ATPAF2: variants seen among roughly 807,000 people sequenced by gnomAD.
ATPAF2 encodes ATP12 homolog.
ATPAF2 carries 30 observed loss-of-function variants against 36.6 expected under a neutral mutation model. The observed-to-expected ratio is 0.82, with a 90% CI of 0.61 to 1.11. The LOEUF is 1.11. Ranked by LOEUF, ATPAF2 falls within the 50% of genes most tolerant of loss-of-function variation. The pLI, the probability that ATPAF2 is intolerant of heterozygous loss-of-function variation, is 0.00. For synonymous variants in ATPAF2, 140 were observed against 152.6 expected, an observed-to-expected ratio of 0.92 and a Z score of 0.61; for missense variants, 321 against 372.3, an observed-to-expected ratio of 0.86 and a Z score of 1.13.
intron 3 of ATPAF2, among the ~76,000 whole-genome samples, chr17:18,027,752 C>A (rs1389182094): frequency 6.6e-6 from 1 of 152,192 alleles, no homozygotes; most frequent in Non-Finnish European, 1.5e-5. Flanking sequence ...TCCAGTGGAT[C>A]TTATATTCAA....
At chr17:18,016,341 GACA>G, downstream of ATPAF2, 1 of 979,244 alleles carries the variant, frequency 1.0e-6, no homozygotes. Flanking sequence ...CCACACTGAA[GACA>G]ACATTGCCCA....
At chr17:18,024,786 A>G in intron 4 of ATPAF2, 82 bp from the exon 5 acceptor site, 1 of 1,269,246 alleles carries the variant, frequency 7.9e-7, no homozygotes. Flanking sequence ...AACACAAAGG[A>G]CAACAGCAAA....
chr17:18,030,814 C>T (rs575459634), intron 1 of ATPAF2, among the ~76,000 whole-genome samples: 20 of 145,010 alleles, frequency 1.4e-4, no homozygotes, highest in African/African-American at 4.8e-4. Flanking sequence ...ACTACAGGCG[C>T]CGCCACCACG....
rs539827056 is a variant in ATPAF2 at position 18,028,351 on chromosome 17, T to C, written c.205A>G (p.Arg69Gly). Reference sequence around the variant, plus strand: ...TTGGCTTGGGGAGTTTTCAGCTTCCTGTGGTCCAGGTTTATCTCAAAGCCA... The same window carrying C: ...TTGGCTTGGGGAGTTTTCAGCTTCCCGTGGTCCAGGTTTATCTCAAAGCCA... ...EGGFEINLDH[R>G]KLKTPQAKLF... is the part of the protein sequence containing the mutation. The change falls in exon 3 of 8, where the codon AGG becomes GGG. Residue 69 changes from arginine (R) to glycine (G), a missense_variant. Around this residue, in one of 3 missense-constraint regions of ATPAF2, gnomAD observed 53 missense variants for 91.6 expected, o/e 0.58. Transcript: ENST00000474627. 6.2e-7 allele frequency: 1 copy of C among 1,614,148 alleles called. No individual in the cohort carries two copies. Among genetic ancestry groups the C allele is most frequent in the Non-Finnish European group, 8.5e-7 (1 of 1,180,024 alleles).
chr17:18,028,163 G>A (rs2044574815), intron 3 of ATPAF2, 69 bp downstream of exon 3: 7 of 1,600,856 alleles, frequency 4.4e-6, no homozygotes, highest in Non-Finnish European at 6.0e-6. Context: ...GTCGGAATTT[G>A]GTAAAGGGTC....
intron 1 of ATPAF2, among the ~76,000 whole-genome samples, chr17:18,038,339 G>A (rs537505746): frequency 3.9e-5 from 6 of 152,344 alleles, no homozygotes; most frequent in African/African-American, 1.4e-4. Flanking sequence ...GTCAGAGGTG[G>A]AGGTGTCAAT....
chr17:18,022,851 C>A (rs1230221703), intron 5 of ATPAF2, among the ~76,000 whole-genome samples: 2 of 151,970 alleles, frequency 1.3e-5, no homozygotes, highest in African/African-American at 2.4e-5. Context: ...TGGGGCCGGG[C>A]GCGGTGGCTC....
intron 1 of ATPAF2, among the ~76,000 whole-genome samples, chr17:18,029,881 A>AAAG (rs2044602517): frequency 7.2e-6 from 1 of 138,872 alleles, no homozygotes; most frequent in Admixed American, 7.1e-5. Flanking sequence ...TTTAACGCTA[A>AAAG]AAAAAAAAAA....
intron 1 of ATPAF2, among the ~76,000 whole-genome samples, chr17:18,029,913 G>A (rs1480805781): frequency 2.1e-5 from 3 of 142,866 alleles, no homozygotes; most frequent in South Asian, 2.2e-4. Flanking sequence ...AAGGCTGGTC[G>A]CAGTGGCTCA....
intron 1 of ATPAF2, among the ~76,000 whole-genome samples, chr17:18,034,121 AAAC>A (rs1364171718): frequency 6.6e-6 from 1 of 152,076 alleles, no homozygotes; most frequent in East Asian, 1.9e-4. Flanking sequence ...CCTGTCTCAA[AAAC>A]AACAACAAAT....
At chr17:18,016,894 C>A (rs1176811391), downstream of ATPAF2, 3 of 403,432 alleles carry the variant, frequency 7.4e-6, no homozygotes, top group Non-Finnish European at 9.0e-6. Flanking sequence ...AAAAAATCAG[C>A]TGGGTGCGGT....
At chr17:18,026,050 G>A (rs984343862) in intron 4 of ATPAF2, 11 of 548,750 alleles carry the variant, frequency 2.0e-5, no homozygotes, top group Non-Finnish European at 3.0e-5. Context: ...CTGTGGTCAC[G>A]GCACCTGCAA....
At chr17:18,022,914 A>C (rs936934809) in intron 5 of ATPAF2, among the ~76,000 whole-genome samples, 1 of 151,870 alleles carries the variant, frequency 6.6e-6, no homozygotes, top group East Asian at 1.9e-4. Flanking sequence ...TCACGAGGTC[A>C]GGAGATTGAG....
chr17:18,016,577 T>C (rs1597660603), downstream of ATPAF2: 1 of 1,613,562 alleles, frequency 6.2e-7, no homozygotes, highest in African/African-American at 1.3e-5. Context: ...GATGAGATCA[T>C]GAGGAACCGC....
chr17:18,038,837 A>AC (rs1344665097), intron 1 of ATPAF2, 44 bp downstream of exon 1: 1 of 1,609,036 alleles, frequency 6.2e-7, no homozygotes, highest in East Asian at 2.2e-5. Flanking sequence ...AGCCCACCTT[A>AC]CCCCAGCTCG....
rs147941728 is a variant in ATPAF2, at chr17:18,038,880, C to A, written c.133+1G>T. ...CCCAAAAGAACATGTCATGGTCTTA[C>A]CTGTCGGCGGGGCGTAAGCCCGGGC... On this transcript the variant is annotated splice_donor_variant, in intron 1 of 7. Coordinates refer to ENST00000474627, the MANE Select transcript of ATPAF2 (RefSeq NM_145691.4). LOFTEE classifies it high-confidence loss of function. 27 of 1,614,028 alleles carry A rather than the reference C, an allele frequency of 1.7e-5. No homozygotes were observed. The African/African-American group carries it at 3.2e-4, about 19-fold the overall frequency.
At chr17:18,038,693 C>G (rs1480322669) in intron 1 of ATPAF2, among the ~76,000 whole-genome samples, 188 bp downstream of exon 1, 1 of 152,244 alleles carries the variant, frequency 6.6e-6, no homozygotes, top group East Asian at 1.9e-4. Flanking sequence ...GTGCGTGACT[C>G]GCTGTTCCCT....
intron 3 of ATPAF2, among the ~76,000 whole-genome samples, chr17:18,027,479 T>C (rs1213924074): frequency 1.3e-5 from 2 of 152,188 alleles, no homozygotes; most frequent in East Asian, 3.9e-4. Context: ...TGCCAAGGGC[T>C]TTCTTGCATC....
chr17:18,036,364 A>G (rs536915831), intron 1 of ATPAF2, among the ~76,000 whole-genome samples: 64 of 152,258 alleles, frequency 4.2e-4, no homozygotes, highest in African/African-American at 1.5e-3. Context: ...TCATGAGGTC[A>G]GGAGATCGAG....
Sources: allele counts gnomAD v4.1 joint callset (sites outside exome capture counted in the v4.1 genomes callset), GRCh38; gene constraint gnomAD v4.1.1; regional missense constraint gnomAD v4.1.1; transcripts MANE v1.5; gene names NCBI Gene and HGNC (gene_info 2026-07-23, HGNC 2026-07-21).